The following CFAP299 variants were observed in gnomAD, a reference collection of about 807,000 sequenced individuals.
CFAP299 encodes the protein cilia and flagella associated protein 299.
A neutral mutation model predicts 27.0 loss-of-function variants in CFAP299; 21 were observed. That is an observed-to-expected ratio of 0.78 (90% confidence interval 0.55 to 1.12). The LOEUF is 1.12. Ranked by LOEUF, CFAP299 falls within the 50% of genes most tolerant of loss-of-function variation. CFAP299 has a pLI of 0.00. For synonymous variants in CFAP299, 104 were observed against 98.1 expected (o/e 1.06, Z -0.36); for missense variants, 310 against 276.6 (o/e 1.12, Z -0.86).
At chr4:80,822,054 C>T (rs1578156517) in intron 3 of CFAP299, among the ~76,000 whole-genome samples, 1 of 152,170 alleles carries the variant, frequency 6.6e-6, no homozygotes. Flanking sequence ...CCTTGTATCC[C>T]AAGCACTTGG....
chr4:80,559,405 A>G lies in CFAP299; in HGVS notation c.243-23688A>G, dbSNP rs183007839. Among the ~76,000 whole-genome samples the G allele has an allele frequency of 6.6e-5, 10 of 152,010 alleles. No homozygotes were observed. In the East Asian group the frequency reaches 1.9e-3, roughly 30 times the overall value. On this transcript the variant is annotated intron_variant, in intron 2 of 5. Transcript: ENST00000358105. ...GCTCATTATGAGAGAATATAAGGGA[A>G]GAGGTGGAGCAAGATGGGGGAATAT...
rs797014236 is a variant in CFAP299, at chr4:80,856,233, C to T, written c.334-13760C>T. On this transcript the variant is annotated intron_variant, in intron 3 of 5. Transcript: ENST00000358105. ...TTGAGAAGTGTCTGTTCATGTCTTT[C>T]GCCCACTTTTTGATGGGGTTGTTTT... Among the ~76,000 whole-genome samples the T allele has an allele frequency of 1.7e-3, 255 of 148,490 alleles. 5 individuals carry two copies. The highest frequency in any genetic ancestry group is 3.0e-3 in the Non-Finnish European group (202 of 67,350).
intron 3 of CFAP299, among the ~76,000 whole-genome samples, chr4:80,661,038 G>C (rs1220531004): frequency 6.6e-6 from 1 of 151,204 alleles, no homozygotes; most frequent in Non-Finnish European, 1.5e-5. Flanking sequence ...TTAAAGTGAT[G>C]ATGGGAGCCG....
At chr4:80,434,753 G>A (rs1024449183) in intron 2 of CFAP299, among the ~76,000 whole-genome samples, 8 of 152,326 alleles carry the variant, frequency 5.3e-5, no homozygotes, top group Middle Eastern at 3.4e-3. Context: ...GATATGTGAT[G>A]TATTATATTT....
At chr4:80,779,444 C>T (rs1016624946) in intron 3 of CFAP299, among the ~76,000 whole-genome samples, 4 of 152,054 alleles carry the variant, frequency 2.6e-5, no homozygotes, top group Admixed American at 2.0e-4. Context: ...TTAAATGCGA[C>T]CAGGCAAGTC....
At chr4:80,955,488 A>C (rs1738022546) in intron 5 of CFAP299, among the ~76,000 whole-genome samples, 1 of 152,200 alleles carries the variant, frequency 6.6e-6, no homozygotes, top group African/African-American at 2.4e-5. Context: ...TACCTTAGAA[A>C]CCATGAAAAC....
intron 3 of CFAP299, among the ~76,000 whole-genome samples, chr4:80,752,451 A>G (rs1724990471): frequency 6.8e-6 from 1 of 147,614 alleles, no homozygotes; most frequent in Admixed American, 6.8e-5. Context: ...TATACTATAT[A>G]TATAAAATAC....
Position 80,824,184 on chromosome 4 carries a change from A to G in CFAP299, c.334-45809A>G, listed in dbSNP as rs537356478. Among the ~76,000 whole-genome samples, 8 of 152,284 alleles carry G rather than the reference A, an allele frequency of 5.3e-5. No homozygotes were observed. The South Asian group carries it at 1.7e-3, about 32-fold the overall frequency. ...ATTGGCAGATTGGTTTTGTATGAAT[A>G]CTTTGGAACTTTTAAGTCTATTGAA... On this transcript the variant is annotated intron_variant, in intron 3 of 5. Transcript: ENST00000358105.
chr4:80,489,700 A>C (rs1484724138), intron 2 of CFAP299, among the ~76,000 whole-genome samples: 8 of 152,130 alleles, frequency 5.3e-5, no homozygotes, highest in Non-Finnish European at 1.2e-4. Context: ...TTGTGTAATA[A>C]ATTTTGAAAT....
chr4:80,368,813 T>G (rs1357450253), intron 2 of CFAP299, among the ~76,000 whole-genome samples: 1 of 152,248 alleles, frequency 6.6e-6, no homozygotes, highest in Non-Finnish European at 1.5e-5. Flanking sequence ...TTTAACTTTT[T>G]GCTTAGTATC....
chr4:80,871,002 G>A, intron 4 of CFAP299: 8 of 589,968 alleles, frequency 1.4e-5, no homozygotes, highest in Non-Finnish European at 1.7e-5. Context: ...CACCTCACGG[G>A]TTCAAGCAAT....
Position 80,945,872 on chromosome 4 carries a change from G to A in CFAP299, c.606+933G>A, listed in dbSNP as rs369437428. On this transcript the variant is annotated intron_variant, in intron 5 of 5. Transcript: ENST00000358105. ...CCTTGCACATAAAAAATGCTAAATAGGCCAGGCGCGGTGGCTCACACCTGT... is the reference window on the plus strand; with the variant it reads ...CCTTGCACATAAAAAATGCTAAATAAGCCAGGCGCGGTGGCTCACACCTGT... Among the ~76,000 whole-genome samples the A allele has an allele frequency of 3.4e-4, 52 of 151,986 alleles. 3 individuals carry two copies. The South Asian group carries it at 8.6e-3, about 25-fold the overall frequency.
chr4:80,359,577 A>G (rs1723442316), intron 1 of CFAP299, among the ~76,000 whole-genome samples: 1 of 152,110 alleles, frequency 6.6e-6, no homozygotes, highest in Admixed American at 6.5e-5. Flanking sequence ...CCAGTTTTCA[A>G]GCTCTGAGAT....
intron 2 of CFAP299, among the ~76,000 whole-genome samples, chr4:80,392,363 G>A (rs185885053): frequency 8.1e-4 from 124 of 152,272 alleles, no homozygotes; most frequent in Non-Finnish European, 1.0e-3. Flanking sequence ...CGAGGTGCCA[G>A]GGACAGAATA....
At chr4:80,545,221 A>G (rs541663574) in intron 2 of CFAP299, among the ~76,000 whole-genome samples, 3 of 152,328 alleles carry the variant, frequency 2.0e-5, no homozygotes, top group Non-Finnish European at 4.4e-5. Context: ...GAAAGTTTAC[A>G]GCACTAAACA....
chr4:80,864,268 A>G (rs994169038), intron 3 of CFAP299, among the ~76,000 whole-genome samples: 3 of 151,542 alleles, frequency 2.0e-5, no homozygotes, highest in Non-Finnish European at 2.9e-5. Context: ...TCTGAATAAC[A>G]AAGCTTTCAG....
intron 4 of CFAP299, 65 bp downstream of exon 4, chr4:80,870,200 C>T (rs942376345): frequency 3.3e-6 from 5 of 1,497,564 alleles, no homozygotes; most frequent in Admixed American, 4.4e-5. Context: ...TTATGGTCTA[C>T]ATTGTGCCTA....
At chr4:80,798,255 C>A (rs1727985084) in intron 3 of CFAP299, among the ~76,000 whole-genome samples, 1 of 152,044 alleles carries the variant, frequency 6.6e-6, no homozygotes, top group Admixed American at 6.6e-5. Context: ...CCTGGCAACT[C>A]CCTCAGGGGA....
rs761800837 is a variant in CFAP299, at chr4:80,870,099, G to GA, written c.448dup (p.Arg150LysfsTer17). 24 of 1,609,462 alleles carry GA rather than the reference G, an allele frequency of 1.5e-5. No homozygotes were observed. In the Admixed American group the frequency reaches 1.9e-4, roughly 12 times the overall value. ...GAAGATTTTGAAGTCTACTTTACTG[G>GA]AAAAAAAAGACTTCTTCCAAGGCCT... On this transcript the variant is annotated frameshift_variant, in exon 4 of 6. Transcript: ENST00000358105. LOFTEE classifies it high-confidence loss of function.
Sources: gnomAD v4.1 joint callset for allele counts (sites outside exome capture counted in the v4.1 genomes callset) on GRCh38, gnomAD v4.1.1 for gene constraint, MANE v1.5 for transcripts, NCBI Gene and HGNC (gene_info 2026-07-23, HGNC 2026-07-21) for gene names.